REELD1: variants seen among roughly 807,000 people sequenced by gnomAD.
REELD1 encodes reelin domain-containing protein 1.
Under a neutral mutation model 6.3 loss-of-function variants are expected in REELD1, and 12 were observed. The ratio of observed to expected loss-of-function variants is 1.89; its 90% CI spans 1.21 to 3.07. REELD1 has a LOEUF of 3.07. REELD1 is among the 30% of genes most tolerant of loss of function. The pLI, the probability that REELD1 is intolerant of heterozygous loss-of-function variation, is 0.00. For synonymous variants in REELD1, 57 were observed against 33.6 expected, an observed-to-expected ratio of 1.70 and a Z score of -2.42; for missense variants, 163 against 86.8, an observed-to-expected ratio of 1.88 and a Z score of -3.49.
intron 5 of REELD1, among the ~76,000 whole-genome samples, chr4:146,227,269 G>A (rs1463865715): frequency 6.6e-6 from 1 of 152,200 alleles, no homozygotes; most frequent in Non-Finnish European, 1.5e-5. Context: ...TGTTCTGTAT[G>A]TCTGGGCTAG....
At chr4:146,218,858 C>T (rs1730870940) in intron 3 of REELD1, among the ~76,000 whole-genome samples, 1 of 152,042 alleles carries the variant, frequency 6.6e-6, no homozygotes, top group Non-Finnish European at 1.5e-5. Flanking sequence ...AGAATCAAAA[C>T]ACTATGTCAG....
rs866800246 is a variant in REELD1 at position 146,228,311 on chromosome 4, A to G, written c.697A>G (p.Ser233Gly). 1 of 702,400 alleles carries G rather than the reference A, an allele frequency of 1.4e-6. No individual in the cohort carries two copies. Among genetic ancestry groups the G allele is most frequent in the South Asian group, 1.5e-5 (1 of 67,594 alleles). 43.5% of individuals were successfully genotyped at this position (702,400 alleles called of 1,614,324 possible). The stretch of plus-strand genomic sequence containing the variant: ...GGACAACCTAGATCCTGTTCCTGCC[A>G]GTATTTGGGTGACAAAGTTTCCTGG... ...EEDNLDPVPA[S>G]IWVTKFPGDA... Residue 233 changes from serine to glycine, a missense_variant, in exon 6 of 8, where the codon AGT (serine) becomes GGT (glycine). Physicochemically the swap from Ser to Gly is moderately conservative, Grantham distance 56. Coordinates refer to ENST00000623665, the MANE Select transcript of REELD1 (RefSeq NM_001354631.1).
Position 146,219,703 on chromosome 4 carries a change from A to G in REELD1, c.208+2543A>G, listed in dbSNP as rs1730886144. ...GAATACTATCAAAAGGTAGAAAATT[A>G]AAAGTACTTTTCCTTCTCTGGCTCT... On this transcript the variant is annotated intron_variant, in intron 3 of 7. Coordinates refer to ENST00000623665, the MANE Select transcript of REELD1 (RefSeq NM_001354631.1). Among the ~76,000 whole-genome samples the G allele has an allele frequency of 3.3e-5, 5 of 152,308 alleles. No individual in the cohort carries two copies. In the South Asian group the frequency reaches 1.0e-3, roughly 32 times the overall value.
At position 146,230,928 on chromosome 4, in the gene REELD1, G is replaced by C. The variant is rs1411010712; in HGVS notation, c.*415G>C. 1 of 153,328 alleles carries C rather than the reference G, an allele frequency of 6.5e-6. No individual in the cohort carries two copies. The highest frequency in any genetic ancestry group is 6.5e-5 in the Admixed American group (1 of 15,312). The allele number at this position is 153,328 out of a possible 1,614,324, so 9.5% of individuals were successfully genotyped here. On this transcript the variant is annotated 3_prime_UTR_variant, in exon 8 of 8. Coordinates refer to ENST00000623665, the MANE Select transcript of REELD1 (RefSeq NM_001354631.1). ...TGGGGAAAAAAAGTAATGTTGGGTT[G>C]TGTCTCCTGCAAGAAAAAGAACTGC... is the stretch of plus-strand genomic sequence containing the variant.
intron 2 of REELD1, among the ~76,000 whole-genome samples, chr4:146,216,475 A>G (rs998226955): frequency 6.6e-6 from 1 of 152,200 alleles, no homozygotes; most frequent in African/African-American, 2.4e-5. Context: ...GTAATTTTCA[A>G]TTGCAACAGA....
chr4:146,223,632 A>C (rs1156718882), intron 4 of REELD1, among the ~76,000 whole-genome samples: 1 of 152,182 alleles, frequency 6.6e-6, no homozygotes, highest in Non-Finnish European at 1.5e-5. Flanking sequence ...GTAGTGTAGA[A>C]GCTATGATCT....
At chr4:146,229,247 C>A (rs1731083227) in intron 7 of REELD1, among the ~76,000 whole-genome samples, 159 bp downstream of exon 7, 1 of 152,152 alleles carries the variant, frequency 6.6e-6, no homozygotes, top group East Asian at 1.9e-4. Flanking sequence ...TAATCAATAC[C>A]TTTCCATTAT....
At chr4:146,220,530 A>T (rs1460147914) in intron 3 of REELD1, among the ~76,000 whole-genome samples, 1 of 152,160 alleles carries the variant, frequency 6.6e-6, no homozygotes, top group African/African-American at 2.4e-5. Context: ...CCATTCAATG[A>T]CATCATCTAG....
In REELD1 at chr4:146,230,734, T is replaced by G. The variant is rs1731116313; in HGVS notation, c.*221T>G. The G allele has an allele frequency of 5.5e-6, 2 of 362,956 alleles. No homozygotes were observed. Among genetic ancestry groups the G allele is most frequent in the Non-Finnish European group, 9.8e-6 (2 of 203,290 alleles). The allele number at this position is 362,956 out of a possible 1,614,324, so 22.5% of individuals were successfully genotyped here. ...ATCTGTAATTGGGCTTCCTTCTTTC[T>G]TTTTGCAATTAGACGTTCTGTTTGA... On this transcript the variant is annotated 3_prime_UTR_variant, in exon 8 of 8. Coordinates refer to ENST00000623665, the MANE Select transcript of REELD1 (RefSeq NM_001354631.1).
At chr4:146,229,764 G>A (rs1047055504) in intron 7 of REELD1, 141 bp from the exon 8 acceptor site, 6 of 396,044 alleles carry the variant, frequency 1.5e-5, no homozygotes, top group Non-Finnish European at 4.4e-6. Flanking sequence ...TTTACTTTGA[G>A]CTCCTTTAGT....
At chr4:146,221,214 A>G in intron 3 of REELD1, among the ~76,000 whole-genome samples, 1 of 152,214 alleles carries the variant, frequency 6.6e-6, no homozygotes. Flanking sequence ...CCCTATGCCC[A>G]GACCCAGATA....
At chr4:146,222,683 T>C in intron 4 of REELD1, 104 bp downstream of exon 4, 1 of 397,496 alleles carries the variant, frequency 2.5e-6, no homozygotes, top group Non-Finnish European at 4.4e-6. Flanking sequence ...CCTCCTTATG[T>C]GGCCACCTTA....
intron 3 of REELD1, among the ~76,000 whole-genome samples, chr4:146,218,981 C>T (rs3860098): frequency 0.35 from 52,927 of 151,630 alleles, 9,823 homozygotes; most frequent in African/African-American, 0.47. Flanking sequence ...AAACCCTGTC[C>T]CTACAAAAAA....
intron 3 of REELD1, among the ~76,000 whole-genome samples, chr4:146,219,003 T>C (rs1235505178): frequency 6.6e-6 from 1 of 151,434 alleles, no homozygotes; most frequent in Non-Finnish European, 1.5e-5. Flanking sequence ...ATACAGAAAT[T>C]AGCCAGGCAT....
rs1731141848 is a variant in REELD1, at chr4:146,232,122, C to G, written c.*1609C>G. The stretch of plus-strand genomic sequence containing the variant: ...TCATCTGGCCACATCACATCAGAGC[C>G]AGATGCACCATGTATGCAAACTTTT... On this transcript the variant is annotated 3_prime_UTR_variant, in exon 8 of 8. Transcript: ENST00000623665. 6.6e-6 allele frequency: 1 copy of G among 152,204 alleles called. No individual in the cohort carries two copies. The highest frequency in any genetic ancestry group is 6.5e-5 in the Admixed American group (1 of 15,286). 9.4% of individuals were successfully genotyped at this position (152,204 alleles called of 1,614,324 possible). A position where few individuals can be genotyped will look rare whatever the true frequency, so the allele number is the denominator to read the frequency against.
chr4:146,226,814 A>G (rs1254024393), intron 5 of REELD1, among the ~76,000 whole-genome samples: 2 of 152,232 alleles, frequency 1.3e-5, no homozygotes, highest in East Asian at 3.8e-4. Flanking sequence ...TCTGCTACCC[A>G]GGCTGGAGTG....
In REELD1 at chr4:146,229,953, A is replaced by G; in HGVS notation, c.1021A>G (p.Thr341Ala). ...GACCGTGACACAGCCTCCTCTGTCC[A>G]CCGTCCAGCTTACCTATCCCCAGTG... ...NRTVTQPPLS[T>A]VQLTYPQCLW... Residue 341 changes from threonine to alanine, a missense_variant, in exon 8 of 8, where the codon ACC (threonine) becomes GCC (alanine). Coordinates refer to ENST00000623665, the MANE Select transcript of REELD1 (RefSeq NM_001354631.1). 2.5e-6 allele frequency: 1 copy of G among 398,696 alleles called. No individual in the cohort carries two copies. The highest frequency in any genetic ancestry group is 4.4e-6 in the Non-Finnish European group (1 of 226,146). 24.7% of individuals were successfully genotyped at this position (398,696 alleles called of 1,614,324 possible).
chr4:146,216,759 C>T (rs1730833095), intron 2 of REELD1, among the ~76,000 whole-genome samples, 183 bp from the exon 3 acceptor site: 1 of 152,224 alleles, frequency 6.6e-6, no homozygotes, highest in Admixed American at 6.5e-5. Flanking sequence ...AAATGAAACA[C>T]TTCCTATAGC....
intron 3 of REELD1, 40 bp downstream of exon 3, chr4:146,217,200 C>T: frequency 2.5e-6 from 1 of 398,884 alleles, no homozygotes. Flanking sequence ...CGAGGAGCCC[C>T]AGAGCCCCCA....
Sources: gnomAD v4.1 joint callset for allele counts (sites outside exome capture counted in the v4.1 genomes callset) on GRCh38, gnomAD v4.1.1 for gene constraint, MANE v1.5 for transcripts, NCBI Gene and HGNC (gene_info 2026-07-23, HGNC 2026-07-21) for gene names.